Variants in PDZRN4 observed in about 807,000 individuals in gnomAD.
PDZRN4 encodes the protein PDZ domain containing ring finger 4, also known as PDZ domain-containing RING finger protein 4.
PDZRN4 carries 70 observed loss-of-function variants against 99.0 expected under a neutral mutation model. The observed-to-expected ratio is 0.71, with a 90% CI of 0.58 to 0.86. The LOEUF (loss-of-function observed/expected upper bound fraction) is 0.86, where lower values mean the gene tolerates loss of function less well. Among genes scored for constraint, PDZRN4 ranks in the 40% least tolerant of loss-of-function variants. The pLI, the probability that PDZRN4 is intolerant of heterozygous loss-of-function variation, is 0.00. For missense variants in PDZRN4, 1,474 were observed against 1,331.2 expected (o/e 1.11, Z -1.67); for synonymous variants, 551 against 501.6 (o/e 1.10, Z -1.32).
chr12:41,319,825 G>A (rs1527084), intron 3 of PDZRN4, among the ~76,000 whole-genome samples: 130,244 of 152,250 alleles, frequency 0.86, 57,006 homozygotes, highest in Non-Finnish European at 0.95. Flanking sequence ...GTTGCACCCC[G>A]GGTGCAATAT....
intron 3 of PDZRN4, among the ~76,000 whole-genome samples, chr12:41,371,971 A>G (rs1304604518): frequency 6.6e-6 from 1 of 152,094 alleles, no homozygotes; most frequent in Non-Finnish European, 1.5e-5. Flanking sequence ...CTGCAAGTCT[A>G]TACTCCTACT....
At chr12:41,423,168 T>G (rs971120621) in intron 3 of PDZRN4, among the ~76,000 whole-genome samples, 1 of 152,102 alleles carries the variant, frequency 6.6e-6, no homozygotes, top group African/African-American at 2.4e-5. Context: ...TATTATACTT[T>G]AAGTTCTGGA....
intron 3 of PDZRN4, among the ~76,000 whole-genome samples, chr12:41,372,195 G>A (rs2121082065): frequency 6.6e-6 from 1 of 152,144 alleles, no homozygotes; most frequent in South Asian, 2.1e-4. Context: ...GAGTACAGAT[G>A]GTAAAATAAC....
chr12:41,205,921 CTTTTATATAA>C (rs1440577817), intron 3 of PDZRN4, among the ~76,000 whole-genome samples: 1 of 151,880 alleles, frequency 6.6e-6, no homozygotes, highest in East Asian at 1.9e-4. Context: ...CTATTTTTGA[CTTTTATATAA>C]ATAGAATCAC....
At chr12:41,303,025 G>A (rs1468036622) in intron 3 of PDZRN4, among the ~76,000 whole-genome samples, 5 of 151,674 alleles carry the variant, frequency 3.3e-5, no homozygotes, top group Non-Finnish European at 5.9e-5. Flanking sequence ...AAAGCTACAA[G>A]TGTTTAGTCC....
chr12:41,291,653 AGTGAGGCCAGAACTAT>A (rs901485648), intron 3 of PDZRN4, among the ~76,000 whole-genome samples: 2 of 152,152 alleles, frequency 1.3e-5, no homozygotes, highest in African/African-American at 4.8e-5. Context: ...ATAGTTATTG[AGTGAGGCCAGAACTAT>A]GTGAGTCTTG....
At position 41,387,854 on chromosome 12, in the gene PDZRN4, T is replaced by C. The variant is rs1443265454; in HGVS notation, c.844-118602T>C. On this transcript the variant is annotated intron_variant, in intron 3 of 9. Coordinates refer to ENST00000402685, the MANE Select transcript of PDZRN4 (RefSeq NM_001164595.2). ...TTGGAGTAAATTAGTTAAATCATTGTGGAAGACAGTGTGATGGTTCCTCAA... is the reference window on the plus strand; with the variant it reads ...TTGGAGTAAATTAGTTAAATCATTGCGGAAGACAGTGTGATGGTTCCTCAA... 3.9e-5 allele frequency among the ~76,000 whole-genome samples: 6 copies of C among 152,338 alleles called. No homozygotes were observed. The East Asian group carries it at 7.7e-4, about 20-fold the overall frequency.
At chr12:41,292,531 C>T (rs1951463140) in intron 3 of PDZRN4, among the ~76,000 whole-genome samples, 1 of 152,118 alleles carries the variant, frequency 6.6e-6, no homozygotes, top group African/African-American at 2.4e-5. Context: ...TCAGGACCCC[C>T]CTTTGACTGG....
At chr12:41,526,755 C>T (rs1033355779) in intron 5 of PDZRN4, among the ~76,000 whole-genome samples, 2 of 152,148 alleles carry the variant, frequency 1.3e-5, no homozygotes, top group African/African-American at 4.8e-5. Flanking sequence ...AATTCTTATG[C>T]ATACAAACAC....
chr12:41,356,458 T>G (rs1478522829), intron 3 of PDZRN4, among the ~76,000 whole-genome samples: 1 of 151,650 alleles, frequency 6.6e-6, no homozygotes, highest in Non-Finnish European at 1.5e-5. Context: ...TAAGAAGGAG[T>G]GTATTCATGC....
chr12:41,354,575 A>G (rs919207614), intron 3 of PDZRN4, among the ~76,000 whole-genome samples: 1 of 152,098 alleles, frequency 6.6e-6, no homozygotes, highest in African/African-American at 2.4e-5. Context: ...AAGGAGAACA[A>G]GAATTATCCA....
chr12:41,472,386 A>G (rs1242174994), intron 3 of PDZRN4, among the ~76,000 whole-genome samples: 3 of 152,222 alleles, frequency 2.0e-5, no homozygotes, highest in African/African-American at 7.2e-5. Context: ...GTGACAAAAC[A>G]ACTAGATACC....
chr12:41,479,273 T>A (rs1937637062), intron 3 of PDZRN4, among the ~76,000 whole-genome samples: 1 of 152,152 alleles, frequency 6.6e-6, no homozygotes, highest in Non-Finnish European at 1.5e-5. Flanking sequence ...TATTGATTTG[T>A]CAGAAAACGA....
At chr12:41,448,026 C>T (rs745646999) in intron 3 of PDZRN4, among the ~76,000 whole-genome samples, 2 of 152,060 alleles carry the variant, frequency 1.3e-5, no homozygotes, top group African/African-American at 2.4e-5. Flanking sequence ...AAGAGAAATC[C>T]TCACAACTAC....
intron 3 of PDZRN4, among the ~76,000 whole-genome samples, chr12:41,394,337 C>A (rs7137999): frequency 0.036 from 5,410 of 152,146 alleles, 320 homozygotes; most frequent in African/African-American, 0.12. Flanking sequence ...CAGGACACTC[C>A]CAAAGATGCT....
chr12:41,518,382 A>G (rs560010002), intron 5 of PDZRN4, among the ~76,000 whole-genome samples: 17 of 152,180 alleles, frequency 1.1e-4, no homozygotes, highest in Admixed American at 2.6e-4. Context: ...TTCCTCTTCT[A>G]TGTACACTGT....
At chr12:41,271,741 T>C (rs1332998132) in intron 3 of PDZRN4, among the ~76,000 whole-genome samples, 3 of 152,114 alleles carry the variant, frequency 2.0e-5, no homozygotes, top group African/African-American at 7.2e-5. Context: ...ACAATTCACA[T>C]TTGCAAGTGG....
At chr12:41,285,871 G>A (rs947450387) in intron 3 of PDZRN4, among the ~76,000 whole-genome samples, 15 of 152,062 alleles carry the variant, frequency 9.9e-5, no homozygotes, top group African/African-American at 3.1e-4. Context: ...GGCAAGGGGA[G>A]GGAGAGCATT....
intron 3 of PDZRN4, among the ~76,000 whole-genome samples, chr12:41,406,343 G>A (rs1423246749): frequency 2.0e-5 from 3 of 151,682 alleles, no homozygotes; most frequent in Non-Finnish European, 4.4e-5. Flanking sequence ...GGTTGAAAAC[G>A]AAACAAAAAA....
Sources: allele counts gnomAD v4.1 joint callset (sites outside exome capture counted in the v4.1 genomes callset), GRCh38; gene constraint gnomAD v4.1.1; transcripts MANE v1.5; gene names NCBI Gene and HGNC (gene_info 2026-07-23, HGNC 2026-07-21).